The following PRKAA2 variants were observed in gnomAD, a reference collection of about 807,000 sequenced individuals.
PRKAA2 encodes the protein 5'-AMP-activated protein kinase catalytic subunit alpha-2.
A neutral mutation model predicts 56.3 loss-of-function variants in PRKAA2; 40 were observed. That is an observed-to-expected ratio of 0.71 (90% CI 0.55 to 0.92). PRKAA2 has a LOEUF of 0.92. Ranked by LOEUF, PRKAA2 falls within the 40% of genes least tolerant of loss-of-function variation. PRKAA2 has a pLI of 0.00. For missense variants in PRKAA2, 542 were observed against 686.9 expected, an observed-to-expected ratio of 0.79 and a Z score of 2.36; for synonymous variants, 214 against 234.2, an observed-to-expected ratio of 0.91 and a Z score of 0.79.
At chr1:56,695,105 A>G (rs1232626809) in intron 5 of PRKAA2, among the ~76,000 whole-genome samples, 1 of 151,108 alleles carries the variant, frequency 6.6e-6, no homozygotes, top group Non-Finnish European at 1.5e-5. Flanking sequence ...AATGTGATAC[A>G]GGATAAATAC....
Position 56,695,195 on chromosome 1 carries a change from TA to T in PRKAA2, c.564-739del, listed in dbSNP as rs1426103965. Reference sequence around the variant, plus strand: ...ATATATGATATATTATATATATATATATATATATTTTTTGTTTTGAGATAGA... The same window carrying T: ...ATATATGATATATTATATATATATATTATATATTTTTTGTTTTGAGATAGA... On this transcript the variant is annotated intron_variant, in intron 5 of 8. Coordinates refer to ENST00000371244, the MANE Select transcript of PRKAA2 (RefSeq NM_006252.4). Among the ~76,000 whole-genome samples, 743 of 147,496 alleles carry T rather than the reference TA, an allele frequency of 5.0e-3. 6 individuals are homozygous for T. The highest frequency in any genetic ancestry group is 8.3e-3 in the Non-Finnish European group (559 of 67,184).
intron 1 of PRKAA2, among the ~76,000 whole-genome samples, chr1:56,660,174 C>T (rs979697766): frequency 6.6e-6 from 1 of 152,082 alleles, no homozygotes; most frequent in Non-Finnish European, 1.5e-5. Flanking sequence ...TTATGTTCTC[C>T]ACCAGAAGGC....
intron 3 of PRKAA2, among the ~76,000 whole-genome samples, chr1:56,691,738 A>T (rs1485084831): frequency 6.6e-6 from 1 of 152,230 alleles, no homozygotes; most frequent in East Asian, 1.9e-4. Context: ...CCATAAAATC[A>T]TGTTGAAGAT....
At chr1:56,696,306 T>C in intron 6 of PRKAA2, 147 bp downstream of exon 6, 1 of 684,978 alleles carries the variant, frequency 1.5e-6, no homozygotes, top group East Asian at 2.7e-5. Flanking sequence ...TCCTTGTTTC[T>C]CAAACCTAAC....
intron 2 of PRKAA2, among the ~76,000 whole-genome samples, chr1:56,686,026 G>A (rs1189526619): frequency 6.6e-6 from 1 of 152,168 alleles, no homozygotes; most frequent in East Asian, 1.9e-4. Context: ...CAAAGGAAGT[G>A]AAATCCAAAT....
At chr1:56,706,044 AAGGT>A (rs1644329572) in intron 7 of PRKAA2, 44 bp from the exon 8 acceptor site, 1 of 1,511,150 alleles carries the variant, frequency 6.6e-7, no homozygotes. Context: ...TTTGCATAAA[AAGGT>A]AGATATTTTG....
chr1:56,668,956 C>T (rs541754233), intron 1 of PRKAA2, among the ~76,000 whole-genome samples: 12 of 152,184 alleles, frequency 7.9e-5, no homozygotes, highest in Admixed American at 5.9e-4. Context: ...AAGTGGCAAC[C>T]GAAATCGTCA....
chr1:56,680,155 G>A (rs1434798485), intron 2 of PRKAA2, among the ~76,000 whole-genome samples: 1 of 152,068 alleles, frequency 6.6e-6, no homozygotes, highest in Non-Finnish European at 1.5e-5. Context: ...CCCCCACATT[G>A]TCTGAGGATC....
chr1:56,658,582 T>C lies in PRKAA2; in HGVS notation c.94+13101T>C, dbSNP rs1041593786. Among the ~76,000 whole-genome samples, 2 of 116,304 alleles carry C rather than the reference T, an allele frequency of 1.7e-5. 1 individual carries two copies. The highest frequency in any genetic ancestry group is 6.3e-5 in the African/African-American group (2 of 31,992). The allele number at this position is 116,304 out of a possible 152,430, so 76.3% of individuals were successfully genotyped here. A position where few individuals can be genotyped will look rare whatever the true frequency, so the allele number is the denominator to read the frequency against. On this transcript the variant is annotated intron_variant, in intron 1 of 8. Coordinates refer to ENST00000371244, the MANE Select transcript of PRKAA2 (RefSeq NM_006252.4). ...AATGGTAAATGTTGTTGTTTTTTTT[T>C]TTCTTCCCCCCCCCCGCCATTTTTT...
intron 1 of PRKAA2, 28 bp from the exon 2 acceptor site, chr1:56,674,352 AC>A: frequency 6.6e-6 from 10 of 1,513,000 alleles, no homozygotes; most frequent in Non-Finnish European, 8.8e-6. Context: ...ATATGATAGC[AC>A]ATTTTTTTTC....
chr1:56,671,988 G>A (rs1476188781), intron 1 of PRKAA2, among the ~76,000 whole-genome samples: 1 of 152,138 alleles, frequency 6.6e-6, no homozygotes, highest in Admixed American at 6.5e-5. Flanking sequence ...ATGACTCCAA[G>A]AAATATTTAG....
At chr1:56,676,937 A>G (rs1644117798) in intron 2 of PRKAA2, among the ~76,000 whole-genome samples, 1 of 152,184 alleles carries the variant, frequency 6.6e-6, no homozygotes, top group Admixed American at 6.5e-5. Context: ...CTTGAAGTTC[A>G]CTTAGTCATA....
At chr1:56,687,324 G>C (rs572091587) in intron 2 of PRKAA2, among the ~76,000 whole-genome samples, 1 of 152,064 alleles carries the variant, frequency 6.6e-6, no homozygotes, top group African/African-American at 2.4e-5. Context: ...GTGATACCTG[G>C]TTTTTAAAGC....
At chr1:56,669,729 A>C (rs1466028927) in intron 1 of PRKAA2, among the ~76,000 whole-genome samples, 1 of 152,182 alleles carries the variant, frequency 6.6e-6, no homozygotes, top group Non-Finnish European at 1.5e-5. Flanking sequence ...TGCATTATAC[A>C]TCTGGTGGAA....
chr1:56,657,619 T>A (rs1197120896), intron 1 of PRKAA2, among the ~76,000 whole-genome samples: 2 of 152,120 alleles, frequency 1.3e-5, no homozygotes, highest in Non-Finnish European at 2.9e-5. Context: ...GAGGTTGCAG[T>A]GAGCCGAGAT....
chr1:56,685,533 G>A (rs1489519631), intron 2 of PRKAA2, among the ~76,000 whole-genome samples: 1 of 152,110 alleles, frequency 6.6e-6, no homozygotes, highest in African/African-American at 2.4e-5. Flanking sequence ...ATGCATCTAG[G>A]CTCTGATCAA....
chr1:56,691,330 A>G, intron 2 of PRKAA2, 64 bp from the exon 3 acceptor site: 1 of 1,081,790 alleles, frequency 9.2e-7, no homozygotes, highest in Non-Finnish European at 1.4e-6. Context: ...GCAAGAGTAG[A>G]TATACCAGTT....
intron 1 of PRKAA2, among the ~76,000 whole-genome samples, chr1:56,652,391 G>T (rs1643908686): frequency 6.6e-6 from 1 of 152,086 alleles, no homozygotes; most frequent in Non-Finnish European, 1.5e-5. Context: ...TCTTGACCTT[G>T]TGATCCACCT....
chr1:56,660,812 T>C (rs1299568721), intron 1 of PRKAA2, among the ~76,000 whole-genome samples: 1 of 152,174 alleles, frequency 6.6e-6, no homozygotes, highest in Non-Finnish European at 1.5e-5. Context: ...ATTAAATATG[T>C]ACATAAAGTA....
Sources: gnomAD v4.1 joint callset for allele counts (sites outside exome capture counted in the v4.1 genomes callset) on GRCh38, gnomAD v4.1.1 for gene constraint, MANE v1.5 for transcripts, NCBI Gene and HGNC (gene_info 2026-07-23, HGNC 2026-07-21) for gene names.